The following CALN1 variants were observed in gnomAD, a reference collection of about 807,000 sequenced individuals.
CALN1 encodes the protein calcium-binding protein 8.
A neutral mutation model predicts 30.6 loss-of-function variants in CALN1; 17 were observed. That is an observed-to-expected ratio of 0.56 (90% CI 0.38 to 0.83). CALN1 has a LOEUF of 0.83. CALN1 is among the 40% of genes least tolerant of loss of function. CALN1 has a pLI of 0.00. For synonymous variants in CALN1, 156 were observed against 131.4 expected, an observed-to-expected ratio of 1.19 and a Z score of -1.28; for missense variants, 291 against 354.9, an observed-to-expected ratio of 0.82 and a Z score of 1.45.
intron 3 of CALN1, among the ~76,000 whole-genome samples, chr7:72,148,100 AT>A (rs1331501120): frequency 1.5e-5 from 2 of 137,416 alleles, no homozygotes; most frequent in Non-Finnish European, 3.0e-5. Flanking sequence ...ATAAAAAAAA[AT>A]AAAAAAAAAA....
chr7:72,252,763 C>T (rs879823174), intron 3 of CALN1, among the ~76,000 whole-genome samples: 7 of 152,158 alleles, frequency 4.6e-5, no homozygotes, highest in Non-Finnish European at 8.8e-5. Flanking sequence ...ACTCCTACTC[C>T]TGTTCCTGCT....
chr7:72,273,490 A>G lies in CALN1; in HGVS notation c.244+5196T>C, dbSNP rs545182617. 3.1e-4 allele frequency among the ~76,000 whole-genome samples: 44 copies of G among 141,652 alleles called. No individual in the cohort carries two copies. The South Asian group carries it at 9.7e-3, about 31-fold the overall frequency. 92.9% of individuals were successfully genotyped at this position (141,652 alleles called of 152,430 possible). A position where few individuals can be genotyped will look rare whatever the true frequency, so the allele number is the denominator to read the frequency against. ...ATCTCAGGTTTGGGATAAAGTGAAG[A>G]AGGCAAGATTCTTTTTTTTTTTTTT... On this transcript the variant is annotated intron_variant, in intron 3 of 6. Transcript: ENST00000395275.
At chr7:72,398,361 G>A (rs1806115631) in intron 2 of CALN1, among the ~76,000 whole-genome samples, 1 of 152,176 alleles carries the variant, frequency 6.6e-6, no homozygotes. Flanking sequence ...TTCAGAGTCG[G>A]CAATTTAATG....
upstream of CALN1, among the ~76,000 whole-genome samples, chr7:72,416,843 C>T (rs6961002): frequency 0.52 from 78,312 of 151,538 alleles, 20,561 homozygotes; most frequent in East Asian, 0.59. Context: ...ATCTATCAGC[C>T]GAGGGTTGAG....
At chr7:71,805,318 A>G (rs1373130327) in intron 6 of CALN1, among the ~76,000 whole-genome samples, 2 of 152,178 alleles carry the variant, frequency 1.3e-5, no homozygotes, top group African/African-American at 4.8e-5. Context: ...GGGGTGGGTT[A>G]GCAAGAGTAG....
At chr7:71,996,901 C>T (rs764599811) in intron 5 of CALN1, among the ~76,000 whole-genome samples, 1 of 151,820 alleles carries the variant, frequency 6.6e-6, no homozygotes, top group Non-Finnish European at 1.5e-5. Context: ...AAAGAACCAG[C>T]TGGGCTTGGT....
chr7:72,022,943 T>A (rs998442341), intron 5 of CALN1, among the ~76,000 whole-genome samples: 21 of 148,174 alleles, frequency 1.4e-4, no homozygotes, highest in African/African-American at 4.0e-4. Context: ...AAAAGAAATT[T>A]AAAAAAAAGA....
intron 4 of CALN1, among the ~76,000 whole-genome samples, chr7:72,038,547 A>T (rs1801940501): frequency 6.6e-6 from 1 of 151,962 alleles, no homozygotes; most frequent in East Asian, 1.9e-4. Flanking sequence ...CTCCATCTTG[A>T]ATAGGAGCTG....
intron 3 of CALN1, among the ~76,000 whole-genome samples, chr7:72,166,291 T>C (rs1788518325): frequency 6.6e-6 from 1 of 152,130 alleles, no homozygotes; most frequent in Non-Finnish European, 1.5e-5. Context: ...AGCCTCTAAC[T>C]CCTAGGCTCA....
At chr7:72,387,967 TA>T (rs1315988504) in intron 2 of CALN1, among the ~76,000 whole-genome samples, 1 of 152,162 alleles carries the variant, frequency 6.6e-6, no homozygotes, top group Non-Finnish European at 1.5e-5. Flanking sequence ...TATTGCACAG[TA>T]AAGTGACTGT....
At chr7:72,358,954 A>G (rs1476333734) in intron 2 of CALN1, among the ~76,000 whole-genome samples, 1 of 141,734 alleles carries the variant, frequency 7.1e-6, no homozygotes, top group Admixed American at 7.1e-5. Context: ...ACAAGGTGAG[A>G]CTCTACCTCA....
At chr7:71,823,869 T>C (rs772956920) in intron 5 of CALN1, among the ~76,000 whole-genome samples, 4 of 152,158 alleles carry the variant, frequency 2.6e-5, no homozygotes, top group Admixed American at 6.5e-5. Context: ...GGACTTCTTA[T>C]ATGGTGGCAG....
intron 2 of CALN1, among the ~76,000 whole-genome samples, chr7:72,371,458 T>C (rs1397711868): frequency 6.6e-6 from 1 of 152,140 alleles, no homozygotes; most frequent in East Asian, 1.9e-4. Flanking sequence ...TGAGATCTGA[T>C]GGTTTTATAA....
intron 4 of CALN1, among the ~76,000 whole-genome samples, chr7:72,067,407 C>T (rs1804097606): frequency 6.6e-6 from 1 of 151,834 alleles, no homozygotes; most frequent in South Asian, 2.1e-4. Flanking sequence ...CATGCCCAGC[C>T]AATTTTTTCT....
chr7:72,188,731 A>G (rs1790388902), intron 3 of CALN1, among the ~76,000 whole-genome samples: 1 of 152,172 alleles, frequency 6.6e-6, no homozygotes, highest in Non-Finnish European at 1.5e-5. Flanking sequence ...TCATCATATA[A>G]ATTAAAAAGC....
intron 5 of CALN1, among the ~76,000 whole-genome samples, chr7:71,894,096 G>C (rs1362158355): frequency 6.6e-6 from 1 of 152,170 alleles, no homozygotes; most frequent in Non-Finnish European, 1.5e-5. Context: ...CCTTGTGCCT[G>C]ATGTCCTAGC....
At chr7:72,424,434 TA>T (rs1562963929) in intron 1 of CALN1, among the ~76,000 whole-genome samples, 1 of 152,274 alleles carries the variant, frequency 6.6e-6, no homozygotes, top group South Asian at 2.1e-4. Flanking sequence ...TGCCCTAACC[TA>T]ATGGCACTTT....
intron 6 of CALN1, among the ~76,000 whole-genome samples, chr7:71,794,608 T>C (rs1217204324): frequency 2.0e-5 from 3 of 152,180 alleles, no homozygotes; most frequent in African/African-American, 7.2e-5. Context: ...CAAAGATCAA[T>C]GAGCTAATCA....
intron 5 of CALN1, among the ~76,000 whole-genome samples, chr7:71,820,550 T>A (rs1468647325): frequency 6.6e-6 from 1 of 152,182 alleles, no homozygotes; most frequent in Non-Finnish European, 1.5e-5. Flanking sequence ...ACAATAGACA[T>A]AAAGTAGAAG....
Sources: gnomAD v4.1 joint callset for allele counts (sites outside exome capture counted in the v4.1 genomes callset) on GRCh38, gnomAD v4.1.1 for gene constraint, MANE v1.5 for transcripts, NCBI Gene and HGNC (gene_info 2026-07-23, HGNC 2026-07-21) for gene names.